Variants in SH3RF1 observed in about 807,000 individuals in gnomAD.
The protein encoded by SH3RF1 is E3 ubiquitin-protein ligase SH3RF1.
SH3RF1 carries 32 observed loss-of-function variants against 74.0 expected under a neutral mutation model. The observed-to-expected ratio is 0.43, with a 90% CI of 0.33 to 0.58. The LOEUF (loss-of-function observed/expected upper bound fraction) is 0.58, where lower values mean the gene tolerates loss of function less well. Ranked by LOEUF, SH3RF1 falls within the 20% of genes least tolerant of loss-of-function variation. SH3RF1 has a pLI of 0.05. For missense variants in SH3RF1, 954 were observed against 1,130.9 expected, an observed-to-expected ratio of 0.84 and a Z score of 2.24; for synonymous variants, 396 against 439.6, an observed-to-expected ratio of 0.90 and a Z score of 1.24.
intron 2 of SH3RF1, among the ~76,000 whole-genome samples, chr4:169,230,670 C>T (rs569771374): frequency 6.6e-6 from 1 of 151,936 alleles, no homozygotes; most frequent in Non-Finnish European, 1.5e-5. Context: ...ACCAGCCTGG[C>T]CAACATGGTG....
intron 9 of SH3RF1, among the ~76,000 whole-genome samples, chr4:169,116,955 C>A (rs535331570): frequency 6.6e-6 from 1 of 152,282 alleles, no homozygotes; most frequent in African/African-American, 2.4e-5. Flanking sequence ...CAGTGTCAAG[C>A]GATGTCTCCC....
intron 2 of SH3RF1, among the ~76,000 whole-genome samples, chr4:169,157,485 C>T (rs1734077680): frequency 6.6e-6 from 1 of 152,170 alleles, no homozygotes. Flanking sequence ...TGTACATAAA[C>T]CCCAGTGCAA....
At chr4:169,223,907 T>C (rs1045807778) in intron 2 of SH3RF1, among the ~76,000 whole-genome samples, 1 of 152,160 alleles carries the variant, frequency 6.6e-6, no homozygotes, top group Non-Finnish European at 1.5e-5. Flanking sequence ...TGGGCATATT[T>C]AAGAACAGCT....
intron 2 of SH3RF1, among the ~76,000 whole-genome samples, chr4:169,267,283 T>C (rs1453500979): frequency 6.6e-6 from 1 of 152,186 alleles, no homozygotes; most frequent in Non-Finnish European, 1.5e-5. Flanking sequence ...ACAACTAAGA[T>C]ACAGTATTCC....
At chr4:169,211,749 T>C (rs1453527699) in intron 2 of SH3RF1, among the ~76,000 whole-genome samples, 3 of 152,116 alleles carry the variant, frequency 2.0e-5, no homozygotes, top group Admixed American at 2.0e-4. Context: ...TGGATGAAAA[T>C]ATTCTCAAGT....
intron 2 of SH3RF1, among the ~76,000 whole-genome samples, chr4:169,174,908 C>A (rs999599383): frequency 6.6e-6 from 1 of 152,132 alleles, no homozygotes; most frequent in African/African-American, 2.4e-5. Context: ...CTCTCCCCTG[C>A]GCACCAAGGG....
At chr4:169,118,702 C>T (rs922007886) in intron 8 of SH3RF1, among the ~76,000 whole-genome samples, 2 of 152,136 alleles carry the variant, frequency 1.3e-5, no homozygotes, top group Non-Finnish European at 2.9e-5. Flanking sequence ...GGTGATCCAC[C>T]CGCCTCAGCC....
intron 5 of SH3RF1, among the ~76,000 whole-genome samples, chr4:169,135,174 A>AAAACAAACAAACAAAC: frequency 6.6e-6 from 1 of 150,834 alleles, no homozygotes; most frequent in South Asian, 2.1e-4. Flanking sequence ...ATCTCTATTA[A>AAAACAAACAAACAAAC]AAACAAACAA....
rs185406953 is a variant in SH3RF1 at position 169,200,422 on chromosome 4, T to C, written c.394-43743A>G. On this transcript the variant is annotated intron_variant, in intron 2 of 11. Transcript: ENST00000284637. ...AAATCAATTATATAAAAATAAAATC[T>C]CCACAGTTAGAAAATTTTAAAGCAT... 9.3e-4 allele frequency among the ~76,000 whole-genome samples: 141 copies of C among 152,012 alleles called. No homozygotes were observed. In the Middle Eastern group the frequency reaches 0.024, roughly 26 times the overall value.
At chr4:169,156,751 T>C (rs1284658831) in intron 2 of SH3RF1, 72 bp from the exon 3 acceptor site, 4 of 1,414,918 alleles carry the variant, frequency 2.8e-6, no homozygotes, top group East Asian at 4.6e-5. Flanking sequence ...TACAACTGCG[T>C]TGTCATTGTT....
At position 169,202,771 on chromosome 4, in the gene SH3RF1, A is replaced by C. The variant is rs144520457; in HGVS notation, c.394-46092T>G. On this transcript the variant is annotated intron_variant, in intron 2 of 11. Transcript: ENST00000284637. ...CCTAACCCCTTTGAATCCCTTAGAT[A>C]TGTTGTTGTCATCAGATACTTAAAC... Among the ~76,000 whole-genome samples, 529 of 152,324 alleles carry C rather than the reference A, an allele frequency of 3.5e-3. 1 individual carries two copies. Among genetic ancestry groups the C allele is most frequent in the African/African-American group, 9.9e-3 (412 of 41,578 alleles).
At chr4:169,108,325 A>G (rs1733181457) in intron 10 of SH3RF1, among the ~76,000 whole-genome samples, 1 of 152,248 alleles carries the variant, frequency 6.6e-6, no homozygotes, top group Admixed American at 6.5e-5. Context: ...TTTCTTGGGA[A>G]TAATAGCTTA....
chr4:169,179,150 A>T (rs1037405664), intron 2 of SH3RF1, among the ~76,000 whole-genome samples: 3 of 152,226 alleles, frequency 2.0e-5, no homozygotes, highest in African/African-American at 7.2e-5. Flanking sequence ...CAATTAAATC[A>T]GGGAACTATC....
At chr4:169,151,929 G>A (rs1733983013) in intron 4 of SH3RF1, among the ~76,000 whole-genome samples, 1 of 152,100 alleles carries the variant, frequency 6.6e-6, no homozygotes. Flanking sequence ...TTTTTTGCTT[G>A]CTTAAGAATC....
chr4:169,116,569 G>C lies in SH3RF1; in HGVS notation c.1839C>G (p.Ala613=), dbSNP rs147986774. The change falls in exon 10 of 12, where the codon GCC becomes GCG. Residue 613 remains alanine, a synonymous_variant. Transcript: ENST00000284637. ...CCACAGATGCAGGGCTGAGGCCGGC[G>C]GCATTCTGTACCTGGATGGGTGTCA... is the stretch of plus-strand genomic sequence containing the variant. The part of the protein sequence containing the change: ...AAVTPIQVQN[A]AGLSPASVGL... 1 of 1,599,716 alleles carries C rather than the reference G, an allele frequency of 6.3e-7. No individual in the cohort carries two copies. The highest frequency in any genetic ancestry group is 8.5e-7 in the Non-Finnish European group (1 of 1,171,774).
intron 10 of SH3RF1, among the ~76,000 whole-genome samples, chr4:169,114,233 T>C (rs1306301137): frequency 3.3e-5 from 5 of 152,188 alleles, no homozygotes; most frequent in African/African-American, 1.2e-4. Flanking sequence ...TGTTCCCTTG[T>C]CTTTTCCAGA....
chr4:169,201,034 A>G (rs549899488), intron 2 of SH3RF1, among the ~76,000 whole-genome samples: 1 of 152,296 alleles, frequency 6.6e-6, no homozygotes, highest in South Asian at 2.1e-4. Context: ...TTCCAAATAT[A>G]AAGAAATTAA....
At chr4:169,252,427 C>T (rs991385277) in intron 2 of SH3RF1, among the ~76,000 whole-genome samples, 1 of 152,178 alleles carries the variant, frequency 6.6e-6, no homozygotes, top group Non-Finnish European at 1.5e-5. Flanking sequence ...GTTTTCATGA[C>T]CATTGAAAAG....
intron 5 of SH3RF1, among the ~76,000 whole-genome samples, chr4:169,134,094 T>C (rs1733660203): frequency 6.6e-6 from 1 of 152,198 alleles, no homozygotes; most frequent in Non-Finnish European, 1.5e-5. Flanking sequence ...TAGTGTTTTC[T>C]GTAAACCTCG....
Sources: allele counts gnomAD v4.1 joint callset (sites outside exome capture counted in the v4.1 genomes callset), GRCh38; gene constraint gnomAD v4.1.1; transcripts MANE v1.5; gene names NCBI Gene and HGNC (gene_info 2026-07-23, HGNC 2026-07-21).